Variants in NEK3 observed in about 807,000 individuals in gnomAD.
NEK3 encodes serine/threonine-protein kinase Nek3.
In NEK3, 54 loss-of-function variants were observed where a neutral mutation model predicts 66.0. That is an observed-to-expected ratio of 0.82 (90% CI 0.66 to 1.03). The LOEUF (loss-of-function observed/expected upper bound fraction) is 1.03. NEK3 is among the 50% of genes least tolerant of loss of function. The pLI is 0.00. For missense variants in NEK3, 593 were observed against 603.0 expected (o/e 0.98, Z 0.17); for synonymous variants, 200 against 206.2 (o/e 0.97, Z 0.26).
chr13:52,159,765 GACTA>G (rs943112228), upstream of NEK3: 5 of 152,250 alleles, frequency 3.3e-5, no homozygotes, highest in Non-Finnish European at 5.9e-5. Flanking sequence ...AATTGTCCCC[GACTA>G]ACTGAGTTCT....
rs35786727 is a variant in NEK3 at position 52,156,291 on chromosome 13, C to CA, written c.-57-44dup. On this transcript the variant is annotated intron_variant, in intron 1 of 15. Transcript: ENST00000610828. ...AACATTTGAGAATTAAATGTACTTT[C>CA]AAAAAGCAAAAATTAATTCAAAGTA... 2.9e-5 allele frequency: 21 copies of CA among 714,908 alleles called. No homozygotes were observed. In the South Asian group the frequency reaches 3.2e-4, roughly 11 times the overall value. The allele number at this position is 714,908 out of a possible 1,614,324, so 44.3% of individuals were successfully genotyped here. A position where few individuals can be genotyped will look rare whatever the true frequency, so the allele number is the denominator to read the frequency against.
intron 8 of NEK3, 200 bp downstream of exon 8, chr13:52,148,214 AC>A (rs1956310308): frequency 2.3e-6 from 1 of 438,740 alleles, no homozygotes; most frequent in East Asian, 3.2e-5. Flanking sequence ...TATGTATTGC[AC>A]AGCCAAACTG....
At chr13:52,155,224 G>C (rs1350268337) in intron 2 of NEK3, among the ~76,000 whole-genome samples, 1 of 152,064 alleles carries the variant, frequency 6.6e-6, no homozygotes, top group South Asian at 2.1e-4. Flanking sequence ...AGCACTCTGA[G>C]AACTTTATTA....
chr13:52,133,814 A>AC lies in NEK3; in HGVS notation c.1310dup (p.Ser438PhefsTer11). 1 of 1,597,512 alleles carries AC rather than the reference A, an allele frequency of 6.3e-7. No homozygotes were observed. Among genetic ancestry groups the AC allele is most frequent in the Non-Finnish European group, 8.5e-7 (1 of 1,171,296 alleles). ...GGGGGCCTTTCAAGAACCCTTCTGA[A>AC]CCTTCAGGAGATATTAACAGAAAAT... On this transcript the variant is annotated frameshift_variant and splice_region_variant, in exon 15 of 16. Coordinates refer to ENST00000610828, the MANE Select transcript of NEK3 (RefSeq NM_002498.3). LOFTEE classifies it high-confidence loss of function.
rs370220930 is a variant in NEK3, at chr13:52,136,842, A to C, written c.988T>G (p.Leu330Val). 1.1e-5 allele frequency: 18 copies of C among 1,572,718 alleles called. No individual in the cohort carries two copies. In the African/African-American group the frequency reaches 1.3e-4, roughly 12 times the overall value. Residue 330 changes from leucine to valine, a missense_variant, in exon 12 of 16, where the codon TTA (leucine) becomes GTA (valine). Coordinates refer to ENST00000610828, the MANE Select transcript of NEK3 (RefSeq NM_002498.3). ...ACTCTTCTCAATGCACTTTCAACTAAATTTTCATTAATGCTTTCCAAATCA... is the reference window on the plus strand; with the variant it reads ...ACTCTTCTCAATGCACTTTCAACTACATTTTCATTAATGCTTTCCAAATCA... ...HTDLESINEN[L>V]VESALRRVNR...
chr13:52,146,908 A>T (rs534220041), intron 8 of NEK3, among the ~76,000 whole-genome samples: 11 of 152,296 alleles, frequency 7.2e-5, no homozygotes, highest in African/African-American at 2.6e-4. Context: ...ATGTGCCCTC[A>T]AGTACATCTG....
intron 4 of NEK3, among the ~76,000 whole-genome samples, chr13:52,153,213 A>T (rs770921276): frequency 1.2e-4 from 19 of 152,052 alleles, no homozygotes; most frequent in Non-Finnish European, 5.9e-5. Flanking sequence ...ATGTCAAACT[A>T]ATTTTTTTTT....
chr13:52,153,280 AACCC>A (rs961598334), intron 4 of NEK3, among the ~76,000 whole-genome samples: 6 of 152,098 alleles, frequency 3.9e-5, no homozygotes, highest in African/African-American at 1.4e-4. Flanking sequence ...CCTTCTACGG[AACCC>A]ACATTTTTAA....
intron 15 of NEK3, among the ~76,000 whole-genome samples, chr13:52,133,465 A>G (rs888878807): frequency 5.3e-5 from 8 of 152,296 alleles, no homozygotes; most frequent in African/African-American, 1.2e-4. Context: ...CTGAAAGGCT[A>G]TAGGTGTAGG....
At chr13:52,133,643 A>C (rs761715823) in intron 15 of NEK3, 46 bp downstream of exon 15, 2 of 1,540,326 alleles carry the variant, frequency 1.3e-6, no homozygotes, top group Non-Finnish European at 1.8e-6. Context: ...ACACACACAC[A>C]CACCCCCAAC....
chr13:52,151,760 C>T (rs1374248424), intron 5 of NEK3, among the ~76,000 whole-genome samples: 1 of 152,218 alleles, frequency 6.6e-6, no homozygotes, highest in East Asian at 1.9e-4. Context: ...CATTAATATA[C>T]ACAGTCACAT....
Position 52,133,173 on chromosome 13 carries a change from C to G in NEK3, c.1490G>C (p.Arg497Pro). The G allele has an allele frequency of 6.2e-7, 1 of 1,611,096 alleles. No individual in the cohort carries two copies. Among genetic ancestry groups the G allele is most frequent in the Non-Finnish European group, 8.5e-7 (1 of 1,178,856 alleles). Residue 497 changes from arginine to proline, a missense_variant, in exon 16 of 16, where the codon CGA becomes CCA. Physicochemically the swap from Arg to Pro is moderately radical, Grantham distance 103. Coordinates refer to ENST00000610828, the MANE Select transcript of NEK3 (RefSeq NM_002498.3). ...GTCGCACAGGCCTTGCCATCCAGCT[C>G]GCTTCTTCAGCTCTGACACCCAGTC... ...NPDWVSELKKRAGWQGLCDR is the reference protein window; with the variant it reads ...NPDWVSELKKPAGWQGLCDR
chr13:52,148,562 C>A, intron 7 of NEK3, 93 bp from the exon 8 acceptor site: 1 of 1,062,770 alleles, frequency 9.4e-7, no homozygotes. Context: ...ATAGATATCA[C>A]AAGTAATTCC....
At chr13:52,143,184 C>T (rs1956265029) in intron 10 of NEK3, among the ~76,000 whole-genome samples, 1 of 152,098 alleles carries the variant, frequency 6.6e-6, no homozygotes. Flanking sequence ...GGCATGGTGG[C>T]ACATGCCTGT....
At chr13:52,156,495 A>G (rs965024839) in intron 1 of NEK3, 12 of 215,180 alleles carry the variant, frequency 5.6e-5, no homozygotes, top group Non-Finnish European at 1.1e-4. Context: ...CAGGTAATAA[A>G]TATCCATTTG....
At chr13:52,136,073 A>G in intron 13 of NEK3, 43 bp downstream of exon 13, 2 of 1,607,478 alleles carry the variant, frequency 1.2e-6, no homozygotes, top group Non-Finnish European at 1.7e-6. Flanking sequence ...ACTATTAGAA[A>G]AAGTTCTCTA....
chr13:52,133,268 G>T (rs1326087187), intron 15 of NEK3, 42 bp from the exon 16 acceptor site: 1 of 1,445,500 alleles, frequency 6.9e-7, no homozygotes. Context: ...TACATTAGGG[G>T]CACAGTATCT....
chr13:52,141,396 T>A (rs1956248966), intron 10 of NEK3, among the ~76,000 whole-genome samples: 1 of 152,218 alleles, frequency 6.6e-6, no homozygotes, highest in Non-Finnish European at 1.5e-5. Context: ...CTTTGGTGCA[T>A]GCTAGCTAGT....
Position 52,133,175 on chromosome 13 carries a change from C to T in NEK3, c.1488G>A (p.Lys496=). The stretch of plus-strand genomic sequence containing the variant: ...CGCACAGGCCTTGCCATCCAGCTCG[C>T]TTCTTCAGCTCTGACACCCAGTCGG... ...DNPDWVSELK[K]RAGWQGLCDR Residue 496 remains lysine, a synonymous_variant, in exon 16 of 16, where the codon AAG becomes AAA. Coordinates refer to ENST00000610828, the MANE Select transcript of NEK3 (RefSeq NM_002498.3). 1 of 1,611,276 alleles carries T rather than the reference C, an allele frequency of 6.2e-7. No homozygotes were observed. Among genetic ancestry groups the T allele is most frequent in the Non-Finnish European group, 8.5e-7 (1 of 1,178,914 alleles).
Sources: gnomAD v4.1 joint callset for allele counts (sites outside exome capture counted in the v4.1 genomes callset) on GRCh38, gnomAD v4.1.1 for gene constraint, MANE v1.5 for transcripts, NCBI Gene and HGNC (gene_info 2026-07-23, HGNC 2026-07-21) for gene names.